PTPRA: variants seen among roughly 807,000 people sequenced by gnomAD.
PTPRA encodes receptor-type tyrosine-protein phosphatase alpha.
PTPRA carries 25 observed loss-of-function variants against 104.8 expected under a neutral mutation model. That is an observed-to-expected ratio of 0.24 (90% CI 0.17 to 0.33). The LOEUF (loss-of-function observed/expected upper bound fraction) is 0.33. Among genes scored for constraint, PTPRA ranks in the 10% least tolerant of loss-of-function variants. The pLI is 1.00. For synonymous variants in PTPRA, 323 were observed against 368.9 expected (o/e 0.88, Z 1.43); for missense variants, 765 against 1,015.3 (o/e 0.75, Z 3.35).
intron 1 of PTPRA, among the ~76,000 whole-genome samples, chr20:2,900,610 C>T (rs901243986): frequency 3.3e-5 from 5 of 151,784 alleles, no homozygotes; most frequent in African/African-American, 1.2e-4. Context: ...AATCCCAGCA[C>T]TTTGGGAGGC....
At chr20:2,966,266 T>G (rs2061941919) in intron 5 of PTPRA, among the ~76,000 whole-genome samples, 2 of 152,250 alleles carry the variant, frequency 1.3e-5, no homozygotes, top group Admixed American at 6.5e-5. Context: ...AGCTCTTCCA[T>G]AAACCAGCCA....
At chr20:2,895,806 G>C (rs1166502119) in intron 1 of PTPRA, among the ~76,000 whole-genome samples, 5 of 152,158 alleles carry the variant, frequency 3.3e-5, no homozygotes, top group Admixed American at 2.6e-4. Context: ...TGGGATTACA[G>C]GTGTGAGCTA....
At chr20:3,017,591 T>G (rs2064528709) in intron 12 of PTPRA, among the ~76,000 whole-genome samples, 1 of 152,242 alleles carries the variant, frequency 6.6e-6, no homozygotes, top group Admixed American at 6.5e-5. Context: ...TTTATATTTT[T>G]GACAGCCTTC....
chr20:2,994,954 AC>A (rs2063339601), intron 9 of PTPRA, among the ~76,000 whole-genome samples: 1 of 152,048 alleles, frequency 6.6e-6, no homozygotes, highest in South Asian at 2.1e-4. Context: ...ACATGCTGAA[AC>A]CCTGTCTCTA....
At chr20:2,866,874 T>C in the PTPRA span, 1 of 379,944 alleles carries the variant, frequency 2.6e-6, no homozygotes, top group Non-Finnish European at 4.8e-6. Flanking sequence ...AAGAAACGTG[T>C]CCTCTCCACA....
chr20:3,005,270 A>G lies in PTPRA; in HGVS notation c.829+124A>G, dbSNP rs951456061. On this transcript the variant is annotated intron_variant, in intron 10 of 23. Coordinates refer to ENST00000399903, the MANE Select transcript of PTPRA (RefSeq NM_001385305.1). ...TGAATAACAAGAGTGCGTTCATGGC[A>G]GTACTCAGTGGCTCATACCTGTAAT... The G allele has an allele frequency of 4.4e-6, 4 of 909,102 alleles. No homozygotes were observed. The Admixed American group carries it at 6.3e-5, about 14-fold the overall frequency. The allele number at this position is 909,102 out of a possible 1,614,324, so 56.3% of individuals were successfully genotyped here.
At chr20:3,011,888 A>G (rs2064187343) in intron 11 of PTPRA, among the ~76,000 whole-genome samples, 1 of 152,124 alleles carries the variant, frequency 6.6e-6, no homozygotes, top group South Asian at 2.1e-4. Context: ...TCATAGTGAA[A>G]CCTCTGCACA....
chr20:3,020,351 G>A (rs1323733074), intron 13 of PTPRA, among the ~76,000 whole-genome samples: 1 of 152,066 alleles, frequency 6.6e-6, no homozygotes, highest in East Asian at 1.9e-4. Flanking sequence ...ACCCACCTCG[G>A]CCTCCCAAAG....
intron 9 of PTPRA, among the ~76,000 whole-genome samples, chr20:2,991,365 CAAAA>C (rs149732091): frequency 9.9e-6 from 1 of 101,310 alleles, no homozygotes; most frequent in Non-Finnish European, 2.1e-5. Context: ...AACTCCATCT[CAAAA>C]AAAAAAAAAA....
chr20:2,965,283 T>A, intron 5 of PTPRA, 81 bp downstream of exon 5: 1 of 1,355,258 alleles, frequency 7.4e-7, no homozygotes, highest in Non-Finnish European at 9.9e-7. Context: ...TTTCTAGCCT[T>A]AAAATTTCTT....
At chr20:2,913,511 G>A (rs186848490) in intron 1 of PTPRA, among the ~76,000 whole-genome samples, 1 of 152,310 alleles carries the variant, frequency 6.6e-6, no homozygotes, top group East Asian at 1.9e-4. Context: ...ATTGCATTTA[G>A]TTGTCATGTC....
At chr20:2,871,153 C>G (rs1600025919), upstream of PTPRA, among the ~76,000 whole-genome samples, 1 of 152,138 alleles carries the variant, frequency 6.6e-6, no homozygotes, top group African/African-American at 2.4e-5. Context: ...GTTCTGTCAC[C>G]CCTGTGCACA....
intron 2 of PTPRA, among the ~76,000 whole-genome samples, chr20:2,947,036 T>TTC (rs1290599186): frequency 3.3e-5 from 5 of 152,088 alleles, no homozygotes. Flanking sequence ...AGGAGCTGCT[T>TTC]TCTCTCTCCA....
In PTPRA at chr20:2,875,553, A is replaced by G. The variant is rs866483035; in HGVS notation, c.-129+1793A>G. Among the ~76,000 whole-genome samples the G allele has an allele frequency of 6.8e-4, 103 of 152,292 alleles. 2 individuals are homozygous for G. The highest frequency in any genetic ancestry group is 2.4e-3 in the African/African-American group (98 of 41,562). Reference sequence around the variant, plus strand: ...TACAAAAGTGAGGAAGTCAGTCCTTAACCTTTGAGGAACTCAGAGTCTAAT... The same window carrying G: ...TACAAAAGTGAGGAAGTCAGTCCTTGACCTTTGAGGAACTCAGAGTCTAAT... On this transcript the variant is annotated intron_variant, in intron 1 of 23. Coordinates refer to ENST00000399903, the MANE Select transcript of PTPRA (RefSeq NM_001385305.1).
chr20:2,968,642 A>T (rs1600188428), intron 5 of PTPRA, among the ~76,000 whole-genome samples: 1 of 152,202 alleles, frequency 6.6e-6, no homozygotes, highest in South Asian at 2.1e-4. Flanking sequence ...AGCTAGGCAC[A>T]GTGGCTTATA....
At chr20:2,890,818 G>A (rs1363624925) in intron 1 of PTPRA, among the ~76,000 whole-genome samples, 1 of 152,128 alleles carries the variant, frequency 6.6e-6, no homozygotes, top group East Asian at 1.9e-4. Context: ...CTCCTTGTTT[G>A]AGTTACCAAA....
Position 2,965,183 on chromosome 20 carries a change from A to C in PTPRA, c.396A>C (p.Pro132=). 1 of 1,612,608 alleles carries C rather than the reference A, an allele frequency of 6.2e-7. No homozygotes were observed. The highest frequency in any genetic ancestry group is 8.5e-7 in the Non-Finnish European group (1 of 1,178,750). The change falls in exon 5 of 24, where the codon CCA becomes CCC. Residue 132 remains proline (P), a synonymous_variant. Coordinates refer to ENST00000399903, the MANE Select transcript of PTPRA (RefSeq NM_001385305.1). The stretch of plus-strand genomic sequence containing the variant: ...ATTCCAGCACCGCAGCAACCACTCC[A>C]GAAACTTTCCCTCCTTCAGGTACTA... ...EGNSSTAATT[P]ETFPPSGNSD...
chr20:3,006,926 G>C (rs1041010615), intron 10 of PTPRA, among the ~76,000 whole-genome samples: 1 of 152,052 alleles, frequency 6.6e-6, no homozygotes, highest in Non-Finnish European at 1.5e-5. Flanking sequence ...CACCATGCTC[G>C]GCCTTGTCTT....
At chr20:2,949,685 T>C (rs2061287680) in intron 3 of PTPRA, among the ~76,000 whole-genome samples, 1 of 151,992 alleles carries the variant, frequency 6.6e-6, no homozygotes, top group Admixed American at 6.6e-5. Flanking sequence ...AAAGGAATGC[T>C]TTCCGTTTCT....
Sources: gnomAD v4.1 joint callset for allele counts (sites outside exome capture counted in the v4.1 genomes callset) on GRCh38, gnomAD v4.1.1 for gene constraint, MANE v1.5 for transcripts, NCBI Gene and HGNC (gene_info 2026-07-23, HGNC 2026-07-21) for gene names.